The following UFD1 variants were observed in gnomAD, a reference collection of about 807,000 sequenced individuals.
UFD1 encodes ubiquitin recognition factor in ER-associated degradation protein 1.
In UFD1, 13 loss-of-function variants were observed where a neutral mutation model predicts 45.9. The observed-to-expected ratio is 0.28, with a 90% confidence interval of 0.18 to 0.45. The LOEUF is 0.45. Among genes scored for constraint, UFD1 ranks in the 20% least tolerant of loss-of-function variants. The pLI is 1.00. For missense variants in UFD1, 218 were observed against 389.2 expected (o/e 0.56, Z 3.70); for synonymous variants, 128 against 139.2 (o/e 0.92, Z 0.56).
intron 1 of UFD1, 29 bp downstream of exon 1, chr22:19,479,054 G>A: frequency 6.8e-7 from 1 of 1,472,858 alleles, no homozygotes; most frequent in East Asian, 3.0e-5. Flanking sequence ...CCAAGGCCCA[G>A]CCCCCGCCCG....
rs1057101436 is a variant in UFD1 at position 19,457,639 on chromosome 22, CCT to C, written c.564+430_564+431del. On this transcript the variant is annotated intron_variant, in intron 7 of 11. Coordinates refer to ENST00000263202, the MANE Select transcript of UFD1 (RefSeq NM_005659.7). Reference sequence around the variant, plus strand: ...ACCAGCTTGGCCAACATGGTAAAACCCTGTCTCTACCAAAATACAAAACTAGC... The same window carrying C: ...ACCAGCTTGGCCAACATGGTAAAACCGTCTCTACCAAAATACAAAACTAGC... Among the ~76,000 whole-genome samples, 184 of 152,198 alleles carry C rather than the reference CCT, an allele frequency of 1.2e-3. 1 individual carries two copies. Among genetic ancestry groups the C allele is most frequent in the African/African-American group, 4.3e-3 (180 of 41,522 alleles).
At chr22:19,455,812 G>A in intron 9 of UFD1, 44 bp from the exon 10 acceptor site, 2 of 1,571,526 alleles carry the variant, frequency 1.3e-6, no homozygotes, top group South Asian at 1.1e-5. Flanking sequence ...CCAAGTGTGA[G>A]GACGATATGT....
intron 7 of UFD1, 79 bp downstream of exon 7, chr22:19,457,992 G>T: frequency 6.7e-7 from 1 of 1,500,120 alleles, no homozygotes; most frequent in South Asian, 1.1e-5. Context: ...ATGCCCTCCT[G>T]ACACCCTGGC....
chr22:19,453,404 C>T, intron 11 of UFD1: 1 of 985,446 alleles, frequency 1.0e-6, no homozygotes, highest in Non-Finnish European at 1.2e-6. Context: ...CATCTTTAAA[C>T]ATATACTTCT....
chr22:19,453,879 C>T (rs547271872), intron 11 of UFD1: 1 of 985,460 alleles, frequency 1.0e-6, no homozygotes, highest in African/African-American at 1.7e-5. Flanking sequence ...CTCAAGGGTC[C>T]AATCCTTTGA....
At chr22:19,470,879 A>T (rs2089839792) in intron 4 of UFD1, 1 of 454,036 alleles carries the variant, frequency 2.2e-6, no homozygotes, top group Non-Finnish European at 4.4e-6. Context: ...CAGCCAAGCA[A>T]GCACTCCTGA....
intron 1 of UFD1, among the ~76,000 whole-genome samples, chr22:19,477,839 A>C (rs1002825407): frequency 1.3e-5 from 2 of 152,206 alleles, no homozygotes; most frequent in East Asian, 1.9e-4. Context: ...ATGCAAACAT[A>C]GCATGTTCCC....
chr22:19,465,464 T>C (rs2089795598), intron 5 of UFD1, 190 bp from the exon 6 acceptor site: 1 of 536,620 alleles, frequency 1.9e-6, no homozygotes, highest in East Asian at 3.1e-5. Flanking sequence ...ATAATATGGA[T>C]GAAATGCCAA....
intron 6 of UFD1, among the ~76,000 whole-genome samples, chr22:19,460,054 C>A (rs1240853254): frequency 1.3e-5 from 2 of 151,790 alleles, no homozygotes; most frequent in Non-Finnish European, 2.9e-5. Context: ...CTTGCTTTTA[C>A]AACCATTTTA....
At chr22:19,458,533 T>TC (rs2089741318) in intron 6 of UFD1, among the ~76,000 whole-genome samples, 1 of 152,214 alleles carries the variant, frequency 6.6e-6, no homozygotes, top group South Asian at 2.1e-4. Flanking sequence ...AACCTCCGCC[T>TC]CCAGGGTTCA....
At position 19,471,726 on chromosome 22, in the gene UFD1, C is replaced by T. The variant is rs769700454; in HGVS notation, c.252G>A (p.Glu84=). 2 of 1,613,890 alleles carry T rather than the reference C, an allele frequency of 1.2e-6. No individual in the cohort carries two copies. The highest frequency in any genetic ancestry group is 1.1e-5 in the South Asian group (1 of 91,064). ...SDRMTHCGVL[E]FVADEGICYL... is the part of the protein sequence containing the mutation. ...AGCAGATGCCCTCATCAGCCACAAACTCCAGCACGCCACAATGCGTCATGC... is the reference window on the plus strand; with the variant it reads ...AGCAGATGCCCTCATCAGCCACAAATTCCAGCACGCCACAATGCGTCATGC... Residue 84 remains glutamate, a synonymous_variant, in exon 4 of 12, where the codon GAG becomes GAA. Coordinates refer to ENST00000263202, the MANE Select transcript of UFD1 (RefSeq NM_005659.7).
chr22:19,472,814 C>T (rs1255278989), intron 3 of UFD1, among the ~76,000 whole-genome samples: 1 of 152,324 alleles, frequency 6.6e-6, no homozygotes, highest in Non-Finnish European at 1.5e-5. Context: ...TCACAGCACA[C>T]AAGTGGTGAT....
intron 11 of UFD1, chr22:19,451,314 A>G (rs772734094): frequency 1.0e-6 from 1 of 985,490 alleles, no homozygotes; most frequent in Non-Finnish European, 1.2e-6. Context: ...TAGGAGGGCC[A>G]GTTTTCTACC....
chr22:19,478,874 G>A, intron 1 of UFD1: 2 of 597,290 alleles, frequency 3.3e-6, no homozygotes, highest in Non-Finnish European at 2.8e-6. Context: ...CAGAATGCGA[G>A]CCACGTTCAG....
At chr22:19,458,021 G>T in intron 7 of UFD1, 50 bp downstream of exon 7, 1 of 1,605,136 alleles carries the variant, frequency 6.2e-7, no homozygotes, top group Non-Finnish European at 8.5e-7. Flanking sequence ...GTCACCAACT[G>T]CCCATCCTCC....
At chr22:19,470,149 G>C in intron 4 of UFD1, 1 of 449,232 alleles carries the variant, frequency 2.2e-6, no homozygotes, top group Non-Finnish European at 4.5e-6. Flanking sequence ...AAGGGGCTGA[G>C]CAGCAAATAC....
chr22:19,453,406 T>C (rs1038417749), intron 11 of UFD1: 3 of 985,324 alleles, frequency 3.0e-6, no homozygotes, highest in South Asian at 4.7e-5. Context: ...TCTTTAAACA[T>C]ATACTTCTTA....
At chr22:19,465,136 T>C (rs2089793034) in intron 6 of UFD1, 66 bp downstream of exon 6, 2 of 1,474,672 alleles carry the variant, frequency 1.4e-6, no homozygotes, top group East Asian at 2.3e-5. Context: ...AGAAGCCCCA[T>C]TCAAACATTA....
chr22:19,451,530 C>A, intron 11 of UFD1: 1 of 985,402 alleles, frequency 1.0e-6, no homozygotes, highest in South Asian at 4.7e-5. Flanking sequence ...GAAAACTGCA[C>A]ATATTTTTTT....
Sources: allele counts gnomAD v4.1 joint callset (sites outside exome capture counted in the v4.1 genomes callset), GRCh38; gene constraint gnomAD v4.1.1; transcripts MANE v1.5; gene names NCBI Gene and HGNC (gene_info 2026-07-23, HGNC 2026-07-21).